Variants in HVCN1 observed in about 807,000 individuals in gnomAD.
HVCN1 encodes the protein voltage-gated hydrogen channel 1.
HVCN1 carries 14 observed loss-of-function variants against 29.2 expected under a neutral mutation model. The ratio of observed to expected loss-of-function variants is 0.48; its 90% CI spans 0.32 to 0.75. The LOEUF is 0.75. Ranked by LOEUF, HVCN1 falls within the 30% of genes least tolerant of loss-of-function variation. HVCN1 has a pLI of 0.04. For synonymous variants in HVCN1, 131 were observed against 133.2 expected, an observed-to-expected ratio of 0.98 and a Z score of 0.11; for missense variants, 263 against 341.8, an observed-to-expected ratio of 0.77 and a Z score of 1.82.
Position 110,661,760 on chromosome 12 carries a change from G to A in HVCN1, c.22-312C>T, listed in dbSNP as rs963965114. On this transcript the variant is annotated intron_variant, in intron 3 of 7. Transcript: ENST00000242607. The surrounding 1 kb of genome is among the most constrained non-coding windows in gnomAD (Gnocchi z 6.2). Reference sequence around the variant, plus strand: ...CGCCACGGGCCCATGTGTGAATACCGGAAGGGCGGCCCCAAGGTTCAGAGA... The same window carrying A: ...CGCCACGGGCCCATGTGTGAATACCAGAAGGGCGGCCCCAAGGTTCAGAGA... Among the ~76,000 whole-genome samples the A allele has an allele frequency of 3.3e-5, 5 of 152,196 alleles. No individual in the cohort carries two copies. The highest frequency in any genetic ancestry group is 2.9e-5 in the Non-Finnish European group (2 of 68,042).
At chr12:110,656,585 C>A in intron 4 of HVCN1, among the ~76,000 whole-genome samples, 1 of 152,290 alleles carries the variant, frequency 6.6e-6, no homozygotes, top group Middle Eastern at 3.4e-3. Context: ...TACCCACCCC[C>A]CCGCCAGGGC....
intron 3 of HVCN1, among the ~76,000 whole-genome samples, chr12:110,663,181 C>G (rs370612133): frequency 2.2e-4 from 34 of 152,274 alleles, no homozygotes; most frequent in African/African-American, 8.2e-4. Context: ...TTGGCATGAT[C>G]TTGTCAAGTT....
At chr12:110,696,180 C>T (rs2069487788) in intron 2 of HVCN1, among the ~76,000 whole-genome samples, 1 of 151,878 alleles carries the variant, frequency 6.6e-6, no homozygotes, top group Non-Finnish European at 1.5e-5. Flanking sequence ...TCTCGAACTC[C>T]TGACCTCAGG....
intron 5 of HVCN1, among the ~76,000 whole-genome samples, chr12:110,654,279 CAGAT>C (rs1354244728): frequency 2.6e-5 from 4 of 151,898 alleles, no homozygotes; most frequent in Non-Finnish European, 1.5e-5. Context: ...TAGGAGAAAA[CAGAT>C]GGACAGGGAA....
At chr12:110,668,525 CA>C (rs1421360866) in intron 3 of HVCN1, among the ~76,000 whole-genome samples, 1 of 151,968 alleles carries the variant, frequency 6.6e-6, no homozygotes, top group African/African-American at 2.4e-5. Flanking sequence ...CAAAAAACCC[CA>C]AAACTCTTCT....
intron 7 of HVCN1, 34 bp downstream of exon 7, chr12:110,650,134 C>T (rs1360628595): frequency 1.4e-6 from 2 of 1,442,822 alleles, no homozygotes; most frequent in East Asian, 2.3e-5. Context: ...CATGAGCCAC[C>T]ACGCCTGGTC....
At position 110,661,170 on chromosome 12, in the gene HVCN1, C is replaced by T. The variant is rs1326935485; in HGVS notation, c.300G>A (p.Arg100=). The T allele has an allele frequency of 1.3e-6, 2 of 1,598,668 alleles. No homozygotes were observed. The highest frequency in any genetic ancestry group is 1.7e-5 in the Admixed American group (1 of 59,202). The change falls in exon 4 of 8, where the codon AGG becomes AGA. Residue 100 remains arginine, a synonymous_variant. Transcript: ENST00000242607. This position sits in a 1 kb window ranked among gnomAD's most constrained non-coding sequence, Gnocchi z 6.2. Reference sequence around the variant, plus strand: ...GGACTCCTGCCCCACCTACCTGAAACCTGTGGGAGCTGAACAGTTTCCTCA... The same window carrying T: ...GGACTCCTGCCCCACCTACCTGAAATCTGTGGGAGCTGAACAGTTTCCTCA... ...GMLRKLFSSH[R]FQVIIICLVV...
At chr12:110,654,500 C>T (rs545764024) in intron 5 of HVCN1, among the ~76,000 whole-genome samples, 235 of 120,414 alleles carry the variant, frequency 2.0e-3, no homozygotes, top group Non-Finnish European at 3.0e-3. Context: ...TTCCTGGAGA[C>T]GGAGTTTTGC....
At chr12:110,660,111 T>C (rs147785162) in intron 4 of HVCN1, among the ~76,000 whole-genome samples, 2,395 of 151,744 alleles carry the variant, frequency 0.016, 77 homozygotes, top group African/African-American at 0.055. Flanking sequence ...GCACGGTGGC[T>C]AATACCTGTA....
chr12:110,654,490 T>TTTC (rs2067921053), intron 5 of HVCN1, among the ~76,000 whole-genome samples: 1 of 150,408 alleles, frequency 6.6e-6, no homozygotes, highest in African/African-American at 2.4e-5. Flanking sequence ...TTTTTTTTTT[T>TTTC]TCCTGGAGAC....
At chr12:110,704,631 C>T (rs1196537726) in intron 1 of HVCN1, among the ~76,000 whole-genome samples, 3 of 152,184 alleles carry the variant, frequency 2.0e-5, no homozygotes, top group Non-Finnish European at 2.9e-5. Context: ...GCACTATAGC[C>T]TGGGCATCAG....
In HVCN1 at chr12:110,661,824, C is replaced by T. The variant is rs547082510; in HGVS notation, c.22-376G>A. Among the ~76,000 whole-genome samples the T allele has an allele frequency of 2.0e-5, 3 of 152,178 alleles. No individual in the cohort carries two copies. Among genetic ancestry groups the T allele is most frequent in the South Asian group, 4.1e-4 (2 of 4,820 alleles). The stretch of plus-strand genomic sequence containing the variant: ...AAACTGGAGGGGCCAGTGGGCAGGG[C>T]GTGGGGAGGAGAAGCCAAAAGTAAA... On this transcript the variant is annotated intron_variant, in intron 3 of 7. Coordinates refer to ENST00000242607, the MANE Select transcript of HVCN1 (RefSeq NM_032369.4). The surrounding 1 kb of genome is among the most constrained non-coding windows in gnomAD (Gnocchi z 6.2).
At chr12:110,696,297 A>G (rs1205132559) in intron 2 of HVCN1, among the ~76,000 whole-genome samples, 1 of 152,192 alleles carries the variant, frequency 6.6e-6, no homozygotes, top group Non-Finnish European at 1.5e-5. Flanking sequence ...AAATACACAT[A>G]ACATAAACGT....
intron 2 of HVCN1, among the ~76,000 whole-genome samples, chr12:110,686,203 C>T (rs1417931404): frequency 6.6e-6 from 1 of 151,974 alleles, no homozygotes; most frequent in Non-Finnish European, 1.5e-5. Context: ...CGGGGTTTTG[C>T]CACGTTAGCC....
rs1246109729 is a variant in HVCN1, at chr12:110,651,465, A to G, written c.412-17T>C. The G allele has an allele frequency of 1.3e-6, 2 of 1,564,880 alleles. No homozygotes were observed. The highest frequency in any genetic ancestry group is 8.8e-7 in the Non-Finnish European group (1 of 1,135,346). On this transcript the variant is annotated splice_polypyrimidine_tract_variant and intron_variant, in intron 5 of 7. Coordinates refer to ENST00000242607, the MANE Select transcript of HVCN1 (RefSeq NM_032369.4). ...GTGGAATACCTGAAGGGGACAAGGA[A>G]CCACAGTCAGGGGAGATTGGGCCTC...
At position 110,658,290 on chromosome 12, in the gene HVCN1, C is replaced by T. The variant is rs758891904; in HGVS notation, c.306+2874G>A. ...GGGATCCCAGGAGCTTCCTGGATGC[C>T]GATCCTACCTGCAGAGACTACAACC... On this transcript the variant is annotated intron_variant, in intron 4 of 7. Transcript: ENST00000242607. The surrounding 1 kb of genome is among the most constrained non-coding windows in gnomAD (Gnocchi z 5.0). Among the ~76,000 whole-genome samples, 6 of 152,090 alleles carry T rather than the reference C, an allele frequency of 3.9e-5. No homozygotes were observed. The highest frequency in any genetic ancestry group is 1.9e-4 in the East Asian group (1 of 5,192).
At chr12:110,694,343 T>G (rs1487517948), upstream of HVCN1, among the ~76,000 whole-genome samples, 1 of 152,244 alleles carries the variant, frequency 6.6e-6, no homozygotes. The surrounding 1 kb of genome is among the most constrained non-coding windows in gnomAD (Gnocchi z 4.6). Context: ...ATTCTAGGCA[T>G]GAGCCACCGC....
intron 3 of HVCN1, among the ~76,000 whole-genome samples, chr12:110,680,936 AC>A (rs1235479119): frequency 6.6e-6 from 1 of 152,214 alleles, no homozygotes; most frequent in Non-Finnish European, 1.5e-5. Flanking sequence ...TCTCAAAAAA[AC>A]AAAACAAAAA....
At chr12:110,681,989 T>C (rs2068995784) in intron 3 of HVCN1, among the ~76,000 whole-genome samples, 1 of 152,054 alleles carries the variant, frequency 6.6e-6, no homozygotes, top group South Asian at 2.1e-4. Flanking sequence ...GAAATCCCAA[T>C]TTCTGTTTTT....
Sources: allele counts gnomAD v4.1 joint callset (sites outside exome capture counted in the v4.1 genomes callset), GRCh38; gene constraint gnomAD v4.1.1; non-coding constraint Gnocchi (gnomAD v3.1); transcripts MANE v1.5; gene names NCBI Gene and HGNC (gene_info 2026-07-23, HGNC 2026-07-21).